The following SUMF1 variants were observed in gnomAD, a reference collection of about 807,000 sequenced individuals.
SUMF1 encodes the protein formylglycine-generating enzyme.
SUMF1 carries 48 observed loss-of-function variants against 47.6 expected under a neutral mutation model. The ratio of observed to expected loss-of-function variants is 1.01; its 90% CI spans 0.80 to 1.28. The LOEUF (loss-of-function observed/expected upper bound fraction) is 1.28. Ranked by LOEUF, SUMF1 falls within the 50% of genes most tolerant of loss-of-function variation. The pLI, the probability that SUMF1 is intolerant of heterozygous loss-of-function variation, is 0.00. For missense variants in SUMF1, 571 were observed against 485.4 expected, an observed-to-expected ratio of 1.18 and a Z score of -1.66; for synonymous variants, 230 against 192.1, an observed-to-expected ratio of 1.20 and a Z score of -1.63.
At chr3:4,247,399 T>C (rs545036960) in intron 8 of SUMF1, among the ~76,000 whole-genome samples, 2 of 152,322 alleles carry the variant, frequency 1.3e-5, no homozygotes, top group South Asian at 4.1e-4. Flanking sequence ...CCAATAAACA[T>C]TTCTATGTAA....
chr3:4,439,331 C>A (rs1702502437), intron 3 of SUMF1, among the ~76,000 whole-genome samples: 1 of 151,768 alleles, frequency 6.6e-6, no homozygotes, highest in Non-Finnish European at 1.5e-5. Flanking sequence ...TGGGAACAGC[C>A]TGGGCAACAC....
chr3:4,236,514 G>C (rs1037248996), intron 8 of SUMF1, among the ~76,000 whole-genome samples: 3 of 152,096 alleles, frequency 2.0e-5, no homozygotes, highest in African/African-American at 7.2e-5. Flanking sequence ...AGCTACTCAG[G>C]AGGCCGAAGC....
chr3:4,277,979 A>T (rs1697452797), intron 8 of SUMF1, among the ~76,000 whole-genome samples: 1 of 152,196 alleles, frequency 6.6e-6, no homozygotes, highest in African/African-American at 2.4e-5. Context: ...TTATCAAAGG[A>T]AAAAATTATG....
rs192220001 is a variant in SUMF1 at position 4,234,364 on chromosome 3, G to A, written c.1014+141966C>T. ...GTCTTTCAACTTCTAAGCACAAGCA[G>A]CAATTGGAAACTTTACCTTCAGGTA... is the stretch of plus-strand genomic sequence containing the variant. On this transcript the variant is annotated intron_variant and NMD_transcript_variant, in intron 8 of 12. Transcript: ENST00000448413. Among the ~76,000 whole-genome samples, 21 of 152,158 alleles carry A rather than the reference G, an allele frequency of 1.4e-4. No homozygotes were observed. In the East Asian group the frequency reaches 3.5e-3, roughly 25 times the overall value.
intron 8 of SUMF1, among the ~76,000 whole-genome samples, chr3:4,187,914 C>T (rs954232527): frequency 2.0e-5 from 3 of 152,152 alleles, no homozygotes; most frequent in Non-Finnish European, 2.9e-5. Context: ...ATTGTGATAG[C>T]CCAATGTTAC....
intron 7 of SUMF1, among the ~76,000 whole-genome samples, chr3:4,389,964 G>A (rs1325571596): frequency 6.6e-6 from 1 of 152,046 alleles, no homozygotes; most frequent in Non-Finnish European, 1.5e-5. Context: ...TCTCAGTGTG[G>A]GCATCTGCTA....
rs1367549252 is a variant in SUMF1 at position 4,303,860 on chromosome 3, C to T, written c.1014+72470G>A. 1.2e-5 allele frequency: 16 copies of T among 1,315,740 alleles called. No homozygotes were observed. In the Admixed American group the frequency reaches 3.6e-4, roughly 30 times the overall value. 81.5% of individuals were successfully genotyped at this position (1,315,740 alleles called of 1,614,324 possible). ...CATTTACCTCCCTGGTCTCAGGTGT[C>T]TCTCACAGGTAGGATAAGCCGTGGG... On this transcript the variant is annotated intron_variant and NMD_transcript_variant, in intron 8 of 12. Transcript: ENST00000448413.
intron 7 of SUMF1, among the ~76,000 whole-genome samples, chr3:4,393,140 T>C (rs921428171): frequency 1.1e-4 from 16 of 152,174 alleles, no homozygotes; most frequent in African/African-American, 3.9e-4. Flanking sequence ...AATTTCTGGC[T>C]GGTCTACCAC....
At position 4,377,105 on chromosome 3, in the gene SUMF1, T is replaced by G. The variant is rs79593838; in HGVS notation, c.955-716A>C. ...CATGCAACACCATGCCAAGCCAGAATTATATGTTTTTATAATCCCGCTGTG... is the reference window on the plus strand; with the variant it reads ...CATGCAACACCATGCCAAGCCAGAAGTATATGTTTTTATAATCCCGCTGTG... On this transcript the variant is annotated intron_variant, in intron 7 of 8. Transcript: ENST00000272902. 3.8e-3 allele frequency among the ~76,000 whole-genome samples: 577 copies of G among 152,298 alleles called. 5 individuals are homozygous for G. Among genetic ancestry groups the G allele is most frequent in the African/African-American group, 0.013 (551 of 41,570 alleles).
chr3:4,303,015 C>A (rs1043619445), intron 8 of SUMF1, among the ~76,000 whole-genome samples: 2 of 152,156 alleles, frequency 1.3e-5, no homozygotes, highest in Admixed American at 6.5e-5. Context: ...TTTCCCCGCT[C>A]GGTTTAGAAC....
chr3:4,292,172 T>A (rs1165046254), intron 8 of SUMF1, among the ~76,000 whole-genome samples: 1 of 152,234 alleles, frequency 6.6e-6, no homozygotes, highest in Non-Finnish European at 1.5e-5. Flanking sequence ...AGTTTTTTAA[T>A]GCAGGAAAAA....
intron 8 of SUMF1, among the ~76,000 whole-genome samples, chr3:4,164,214 G>C (rs1007112881): frequency 3.9e-5 from 6 of 152,156 alleles, no homozygotes; most frequent in African/African-American, 1.4e-4. Flanking sequence ...CTGGTTACAA[G>C]CTGTCCCAGG....
intron 8 of SUMF1, among the ~76,000 whole-genome samples, chr3:4,096,756 T>A (rs1429434717): frequency 6.6e-6 from 1 of 152,066 alleles, no homozygotes; most frequent in African/African-American, 2.4e-5. Context: ...AATGGAAATG[T>A]CCACAGCAAT....
In SUMF1 at chr3:4,225,473, A is replaced by T. The variant is rs375324821; in HGVS notation, c.1014+150857T>A. 4.3e-4 allele frequency among the ~76,000 whole-genome samples: 66 copies of T among 152,270 alleles called. No homozygotes were observed. The South Asian group carries it at 0.014, about 32-fold the overall frequency. On this transcript the variant is annotated intron_variant and NMD_transcript_variant, in intron 8 of 12. Coordinates refer to the SUMF1 transcript ENST00000448413. ...AGCACCCAATGAATGCTTGTGTCAT[A>T]AAAGAATAACCATGCACCACAACAC...
chr3:4,070,619 C>T (rs79116360), intron 8 of SUMF1, among the ~76,000 whole-genome samples: 2,295 of 152,058 alleles, frequency 0.015, 65 homozygotes, highest in African/African-American at 0.053. Context: ...ATTTATTTTC[C>T]TTTCAGTCCT....
chr3:4,126,596 G>A (rs1219298185), intron 8 of SUMF1, among the ~76,000 whole-genome samples: 1 of 152,040 alleles, frequency 6.6e-6, no homozygotes, highest in African/African-American at 2.4e-5. Context: ...TTCAGCAACA[G>A]GAGTCTAAGA....
intron 8 of SUMF1, among the ~76,000 whole-genome samples, chr3:4,224,595 T>C (rs1696135243): frequency 6.6e-6 from 1 of 151,934 alleles, no homozygotes; most frequent in African/African-American, 2.4e-5. Flanking sequence ...AGATTCAGGA[T>C]GGGCTCCTGC....
At chr3:4,316,474 C>T in intron 8 of SUMF1, 5 of 1,604,394 alleles carry the variant, frequency 3.1e-6, no homozygotes, top group Non-Finnish European at 4.3e-6. Flanking sequence ...CCCCTTACAA[C>T]TACACGAGAA....
chr3:4,245,614 T>G (rs1575014464), intron 8 of SUMF1, among the ~76,000 whole-genome samples: 2 of 152,212 alleles, frequency 1.3e-5, no homozygotes, highest in East Asian at 3.9e-4. Context: ...TCTGGAAGCT[T>G]CCTTCCAGAG....
Sources: gnomAD v4.1 joint callset for allele counts (sites outside exome capture counted in the v4.1 genomes callset) on GRCh38, gnomAD v4.1.1 for gene constraint, MANE v1.5 for transcripts, NCBI Gene and HGNC (gene_info 2026-07-23, HGNC 2026-07-21) for gene names.